CTNND2: variants seen among roughly 807,000 people sequenced by gnomAD.
The protein encoded by CTNND2 is catenin delta 2.
In CTNND2, 22 loss-of-function variants were observed where a neutral mutation model predicts 144.4. That is an observed-to-expected ratio of 0.15 (90% CI 0.11 to 0.22). The LOEUF is 0.22. Among genes scored for constraint, CTNND2 ranks in the 10% least tolerant of loss-of-function variants. The pLI is 1.00. For synonymous variants in CTNND2, 751 were observed against 695.6 expected (o/e 1.08, Z -1.25); for missense variants, 1,353 against 1,618.8 (o/e 0.84, Z 2.82).
intron 9 of CTNND2, among the ~76,000 whole-genome samples, chr5:11,246,862 G>A (rs2149922290): frequency 6.6e-6 from 1 of 152,158 alleles, no homozygotes; most frequent in African/African-American, 2.4e-5. Flanking sequence ...GAGTGTGCCT[G>A]GCATGTCAGA....
At position 11,335,962 on chromosome 5, in the gene CTNND2, C is replaced by T. The variant is rs558730503; in HGVS notation, c.1628+10410G>A. 4.7e-4 allele frequency among the ~76,000 whole-genome samples: 72 copies of T among 152,086 alleles called. No individual in the cohort carries two copies. The South Asian group carries it at 8.1e-3, about 17-fold the overall frequency. On this transcript the variant is annotated intron_variant, in intron 9 of 21. Coordinates refer to ENST00000304623, the MANE Select transcript of CTNND2 (RefSeq NM_001332.4). Reference sequence around the variant, plus strand: ...TAGGATGTAACCTTTGTAACTTCAGCCTCTGATTGGTTGCTTTCCACAACC... The same window carrying T: ...TAGGATGTAACCTTTGTAACTTCAGTCTCTGATTGGTTGCTTTCCACAACC...
At chr5:11,594,635 A>G (rs1004999492) in intron 2 of CTNND2, among the ~76,000 whole-genome samples, 33 of 152,210 alleles carry the variant, frequency 2.2e-4, no homozygotes, top group African/African-American at 7.7e-4. Flanking sequence ...ATAATTGACT[A>G]TGCTGTGGCC....
intron 9 of CTNND2, among the ~76,000 whole-genome samples, chr5:11,237,933 ATTAT>A (rs1276004245): frequency 2.6e-5 from 4 of 152,216 alleles, no homozygotes; most frequent in Non-Finnish European, 4.4e-5. Context: ...ATAATAGGAA[ATTAT>A]TTATTTAAGA....
intron 12 of CTNND2, among the ~76,000 whole-genome samples, chr5:11,131,775 C>A (rs772694875): frequency 6.6e-6 from 1 of 151,854 alleles, no homozygotes; most frequent in Non-Finnish European, 1.5e-5. Context: ...GGCGATAGAG[C>A]GAGACTGCGT....
chr5:11,094,804 A>G (rs1318110237), intron 15 of CTNND2, among the ~76,000 whole-genome samples: 2 of 152,212 alleles, frequency 1.3e-5, no homozygotes, highest in African/African-American at 2.4e-5. Flanking sequence ...CGATAAGGAC[A>G]GGGAAATCTA....
chr5:11,082,989 G>T, intron 15 of CTNND2, 143 bp from the exon 16 acceptor site: 4 of 883,490 alleles, frequency 4.5e-6, no homozygotes, highest in Non-Finnish European at 5.0e-6. Flanking sequence ...GGTTGAATAC[G>T]TTAGACATGC....
chr5:11,764,571 C>T (rs1451362993), intron 1 of CTNND2, among the ~76,000 whole-genome samples: 2 of 152,180 alleles, frequency 1.3e-5, no homozygotes, highest in Non-Finnish European at 2.9e-5. Flanking sequence ...CCTTTCCTAA[C>T]TCCTGGCTTT....
chr5:10,976,241 G>A (rs1736468837), intron 21 of CTNND2, among the ~76,000 whole-genome samples: 1 of 151,366 alleles, frequency 6.6e-6, no homozygotes, highest in Non-Finnish European at 1.5e-5. Context: ...GACGTTTGCT[G>A]GTGAAACACA....
chr5:11,199,982 G>A (rs932421710), intron 10 of CTNND2, among the ~76,000 whole-genome samples: 1 of 152,176 alleles, frequency 6.6e-6, no homozygotes, highest in Admixed American at 6.5e-5. Flanking sequence ...AGCACATGAA[G>A]AAATAAAAGG....
chr5:11,021,332 G>A (rs191605156), intron 17 of CTNND2, among the ~76,000 whole-genome samples: 1 of 152,246 alleles, frequency 6.6e-6, no homozygotes, highest in East Asian at 1.9e-4. Flanking sequence ...ATATCAGATT[G>A]TTTTGCAGAC....
chr5:11,510,144 G>T (rs142528026), intron 3 of CTNND2, among the ~76,000 whole-genome samples: 1 of 151,802 alleles, frequency 6.6e-6, no homozygotes, highest in African/African-American at 2.4e-5. Context: ...TCCCTAATTT[G>T]CCCAGGGTGG....
chr5:11,394,079 C>T (rs1350962998), intron 6 of CTNND2, among the ~76,000 whole-genome samples: 2 of 152,070 alleles, frequency 1.3e-5, no homozygotes, highest in Non-Finnish European at 2.9e-5. Flanking sequence ...ATGTCTTTGC[C>T]CAAAAGTCTC....
intron 9 of CTNND2, among the ~76,000 whole-genome samples, chr5:11,262,761 C>CAAAAAAAAAAAAAAAAAAAAAAAAAA (rs11289676): frequency 3.7e-4 from 17 of 45,680 alleles, no homozygotes; most frequent in African/African-American, 1.2e-3. Context: ...GACTCTGTCT[C>CAAAAAAAAAAAAAAAAAAAAAAAAAA]AAAAAAAAAA....
At chr5:11,070,274 A>G (rs1338449136) in intron 16 of CTNND2, among the ~76,000 whole-genome samples, 1 of 152,216 alleles carries the variant, frequency 6.6e-6, no homozygotes, top group Non-Finnish European at 1.5e-5. Context: ...GGAAACTATA[A>G]GACATAACCA....
At chr5:11,413,349 G>A (rs2149839930) in intron 3 of CTNND2, among the ~76,000 whole-genome samples, 1 of 152,162 alleles carries the variant, frequency 6.6e-6, no homozygotes, top group Non-Finnish European at 1.5e-5. Flanking sequence ...CTTAGTAAGT[G>A]GAATTTAATA....
chr5:11,464,333 G>T (rs1766472568), intron 3 of CTNND2, among the ~76,000 whole-genome samples: 1 of 152,174 alleles, frequency 6.6e-6, no homozygotes, highest in Non-Finnish European at 1.5e-5. Flanking sequence ...ACTGTGAGGG[G>T]TTTCACTGAG....
intron 2 of CTNND2, among the ~76,000 whole-genome samples, chr5:11,685,543 C>G (rs540366758): frequency 6.6e-6 from 1 of 152,286 alleles, no homozygotes; most frequent in East Asian, 1.9e-4. Context: ...ACAAATTCTT[C>G]TAACAATGGC....
intron 16 of CTNND2, among the ~76,000 whole-genome samples, chr5:11,026,356 C>CTTT (rs67196223): frequency 0.033 from 3,854 of 116,990 alleles, 197 homozygotes; most frequent in African/African-American, 0.089. Context: ...CCTTCTTCTT[C>CTTT]TTTTTTTTTT....
intron 9 of CTNND2, among the ~76,000 whole-genome samples, chr5:11,324,587 T>A (rs1580908074): frequency 6.6e-6 from 1 of 152,350 alleles, no homozygotes; most frequent in East Asian, 1.9e-4. Context: ...CTTTGTCTAA[T>A]AATAACGATG....
Sources: allele counts gnomAD v4.1 joint callset (sites outside exome capture counted in the v4.1 genomes callset), GRCh38; gene constraint gnomAD v4.1.1; transcripts MANE v1.5; gene names NCBI Gene and HGNC (gene_info 2026-07-23, HGNC 2026-07-21).